TFRC: variants seen among roughly 807,000 people sequenced by gnomAD.
The protein encoded by TFRC is transferrin receptor, also known as transferrin receptor protein 1.
In TFRC, 35 loss-of-function variants were observed where a neutral mutation model predicts 85.8. The ratio of observed to expected loss-of-function variants is 0.41; its 90% CI spans 0.31 to 0.54. The LOEUF is 0.54. TFRC is among the 20% of genes least tolerant of loss of function. TFRC has a pLI of 0.31. For synonymous variants in TFRC, 362 were observed against 328.6 expected (o/e 1.10, Z -1.10); for missense variants, 828 against 921.5 (o/e 0.90, Z 1.31).
At chr3:196,063,396 C>T (rs1717446948) in intron 11 of TFRC, 1 of 154,088 alleles carries the variant, frequency 6.5e-6, no homozygotes. Context: ...ATTTAAGTTA[C>T]AAGAAGAGTT....
chr3:196,074,878 C>CAAAA (rs34596231), intron 3 of TFRC, among the ~76,000 whole-genome samples: 4 of 98,726 alleles, frequency 4.1e-5, no homozygotes, highest in African/African-American at 7.9e-5. Flanking sequence ...GACTCCAACT[C>CAAAA]AAAAAAAAAA....
chr3:196,060,758 A>G (rs1717208251), intron 13 of TFRC, among the ~76,000 whole-genome samples: 2 of 131,368 alleles, frequency 1.5e-5, no homozygotes, highest in Non-Finnish European at 3.1e-5. Context: ...GGATGGCGCC[A>G]CTGCACTCCA....
intron 4 of TFRC, among the ~76,000 whole-genome samples, chr3:196,073,259 G>A (rs975888651): frequency 2.7e-5 from 4 of 149,922 alleles, no homozygotes; most frequent in South Asian, 2.1e-4. Context: ...AGAACAGACC[G>A]GCCTGGGAGA....
intron 14 of TFRC, 21 bp from the exon 15 acceptor site, chr3:196,058,653 A>G (rs768145383): frequency 1.9e-6 from 3 of 1,584,844 alleles, no homozygotes; most frequent in African/African-American, 2.7e-5. Flanking sequence ...AGAAATTATC[A>G]TTAAAACTAA....
intron 1 of TFRC, among the ~76,000 whole-genome samples, chr3:196,081,676 G>T (rs889128748): frequency 6.6e-6 from 1 of 152,220 alleles, no homozygotes; most frequent in Non-Finnish European, 1.5e-5. Flanking sequence ...GAAGTCCCCG[G>T]GGCTGAGAGC....
intron 16 of TFRC, among the ~76,000 whole-genome samples, chr3:196,056,696 C>T (rs946281085): frequency 1.8e-4 from 28 of 152,312 alleles, no homozygotes; most frequent in African/African-American, 6.0e-4. Context: ...CCACCACACT[C>T]GGCCAAGCCT....
At position 196,049,514 on chromosome 3, in the gene TFRC, A is replaced by C. The variant is rs1716117430; in HGVS notation, c.*2428T>G. ...CAAAAGGCCCATCTCCTTAACGAGA[A>C]GACATCTCAAGACCAGGAGCTTGTC... On this transcript the variant is annotated 3_prime_UTR_variant, in exon 19 of 19. Transcript: ENST00000360110. 4.5e-6 allele frequency: 1 copy of C among 220,070 alleles called. No homozygotes were observed. Among genetic ancestry groups the C allele is most frequent in the African/African-American group, 2.2e-5 (1 of 44,666 alleles). 13.6% of individuals were successfully genotyped at this position (220,070 alleles called of 1,614,324 possible). A position where few individuals can be genotyped will look rare whatever the true frequency, so the allele number is the denominator to read the frequency against.
At chr3:196,064,048 G>C (rs567126177) in intron 11 of TFRC, among the ~76,000 whole-genome samples, 1 of 152,274 alleles carries the variant, frequency 6.6e-6, no homozygotes, top group Non-Finnish European at 1.5e-5. Flanking sequence ...TATCACTCTG[G>C]ATCCACCACA....
intron 1 of TFRC, among the ~76,000 whole-genome samples, chr3:196,079,885 G>C (rs1163271779): frequency 1.3e-5 from 2 of 152,054 alleles, no homozygotes; most frequent in Non-Finnish European, 2.9e-5. Flanking sequence ...ATTTCTTCCA[G>C]GCTCAGCTCA....
chr3:196,052,674 C>T (rs1716430956), intron 18 of TFRC, among the ~76,000 whole-genome samples: 1 of 152,056 alleles, frequency 6.6e-6, no homozygotes, highest in Non-Finnish European at 1.5e-5. Context: ...CTCCTGACCT[C>T]AGGTGATCCG....
chr3:196,060,291 A>G (rs1361107613), intron 13 of TFRC, 44 bp from the exon 14 acceptor site: 4 of 1,505,660 alleles, frequency 2.7e-6, no homozygotes, highest in Non-Finnish European at 2.8e-6. Context: ...CCATTCCGAT[A>G]ATTTTCACAC....
At chr3:196,054,768 C>T (rs975140326) in intron 17 of TFRC, among the ~76,000 whole-genome samples, 3 of 152,252 alleles carry the variant, frequency 2.0e-5, no homozygotes, top group Non-Finnish European at 4.4e-5. Flanking sequence ...GAGAGGCACA[C>T]AGCCCAACTC....
chr3:196,073,050 A>AAACAAACAAAC (rs1553798525), intron 4 of TFRC, among the ~76,000 whole-genome samples: 35 of 124,224 alleles, frequency 2.8e-4, no homozygotes, highest in African/African-American at 7.7e-4. Context: ...AAAAAAAAAA[A>AAACAAACAAAC]AAAAAAAAAA....
At chr3:196,052,299 T>TTC (rs1009280930) in intron 18 of TFRC, 115 bp from the exon 19 acceptor site, 6 of 1,059,202 alleles carry the variant, frequency 5.7e-6, no homozygotes, top group Non-Finnish European at 7.8e-6. Context: ...AGACTTTTTT[T>TTC]TTTTTTTTTT....
At chr3:196,077,615 G>C (rs1000045371) in intron 1 of TFRC, among the ~76,000 whole-genome samples, 1 of 152,068 alleles carries the variant, frequency 6.6e-6, no homozygotes, top group African/African-American at 2.4e-5. Flanking sequence ...AGCCGGACGT[G>C]GTGGTGGGCG....
At chr3:196,067,723 G>C (rs766973539) in intron 8 of TFRC, 66 bp from the exon 9 acceptor site, 32 of 1,573,414 alleles carry the variant, frequency 2.0e-5, no homozygotes, top group Non-Finnish European at 2.5e-5. Context: ...TAAGATTCAG[G>C]TTTGGTATAA....
At chr3:196,068,610 CAAAAA>C (rs55807772) in intron 7 of TFRC, among the ~76,000 whole-genome samples, 2 of 41,832 alleles carry the variant, frequency 4.8e-5, no homozygotes, top group East Asian at 1.8e-3. Context: ...AACTCCCTCT[CAAAAA>C]AAAAAAAAAA....
chr3:196,068,092 C>A lies in TFRC; in HGVS notation c.840G>T (p.Leu280Phe). ...NAESLNAIGV[L>F]IYMDQTKFPI... ...GAAATTTAGTCTGGTCCATGTATAT[C>A]AACACACCAATTGCATTTAAGCTTT... Residue 280 changes from leucine to phenylalanine, a missense_variant, in exon 8 of 19, where the codon TTG becomes TTT. Physicochemically the swap from Leu to Phe is conservative, Grantham distance 22. Transcript: ENST00000360110. 1 of 1,613,306 alleles carries A rather than the reference C, an allele frequency of 6.2e-7. No homozygotes were observed. The highest frequency in any genetic ancestry group is 8.5e-7 in the Non-Finnish European group (1 of 1,179,810).
intron 1 of TFRC, chr3:196,081,691 G>GT (rs908587718): frequency 6.6e-6 from 1 of 152,366 alleles, no homozygotes. Context: ...GAGAGCGACA[G>GT]TGGGGGTACA....
Sources: gnomAD v4.1 joint callset for allele counts (sites outside exome capture counted in the v4.1 genomes callset) on GRCh38, gnomAD v4.1.1 for gene constraint, MANE v1.5 for transcripts, NCBI Gene and HGNC (gene_info 2026-07-23, HGNC 2026-07-21) for gene names.